Variants in MARK3 observed in about 807,000 individuals in gnomAD.
MARK3 encodes microtubule affinity regulating kinase 3, also known as MAP/microtubule affinity-regulating kinase 3.
Under a neutral mutation model 90.1 loss-of-function variants are expected in MARK3, and 46 were observed. That is an observed-to-expected ratio of 0.51 (90% CI 0.40 to 0.65). The LOEUF (loss-of-function observed/expected upper bound fraction) is 0.65. Ranked by LOEUF, MARK3 falls within the 30% of genes least tolerant of loss-of-function variation. The probability of loss-of-function intolerance (pLI) is 0.00; values close to 1 mark genes in which losing one functional copy is unlikely to be tolerated. For missense variants in MARK3, 818 were observed against 947.2 expected (o/e 0.86, Z 1.79); for synonymous variants, 321 against 332.6 (o/e 0.97, Z 0.38).
At chr14:103,391,613 G>A (rs12883668) in intron 1 of MARK3, among the ~76,000 whole-genome samples, 42,526 of 149,434 alleles carry the variant, frequency 0.28, 7,218 homozygotes, top group Non-Finnish European at 0.36. Flanking sequence ...GTGCAATCTC[G>A]GCTCACTGCC....
intron 1 of MARK3, among the ~76,000 whole-genome samples, chr14:103,391,026 A>G (rs947336590): frequency 7.9e-5 from 12 of 152,186 alleles, no homozygotes; most frequent in African/African-American, 2.9e-4. Context: ...TATTTTTTAA[A>G]ATATTTTATT....
At chr14:103,436,717 A>G (rs35366629) in intron 3 of MARK3, among the ~76,000 whole-genome samples, 43,543 of 151,996 alleles carry the variant, frequency 0.29, 7,325 homozygotes, top group Non-Finnish European at 0.36. Flanking sequence ...GGCTTAAGCA[A>G]TCCTCCCGTC....
chr14:103,491,228 T>C, intron 14 of MARK3: 1 of 678,582 alleles, frequency 1.5e-6, no homozygotes, highest in Non-Finnish European at 2.1e-6. Context: ...TTCCTCCATG[T>C]GATTTTAGTT....
intron 12 of MARK3, among the ~76,000 whole-genome samples, chr14:103,473,963 A>T (rs1386889490): frequency 6.6e-6 from 1 of 151,812 alleles, no homozygotes; most frequent in Non-Finnish European, 1.5e-5. Flanking sequence ...TTGGGAGGCC[A>T]AGGTGGGTGG....
chr14:103,421,682 A>G (rs1278995372), intron 2 of MARK3, among the ~76,000 whole-genome samples: 2 of 152,110 alleles, frequency 1.3e-5, no homozygotes, highest in Admixed American at 6.5e-5. Context: ...GCCCTGCTAC[A>G]TGTTCCACTG....
intron 5 of MARK3, among the ~76,000 whole-genome samples, chr14:103,453,246 T>C (rs944382691): frequency 2.6e-5 from 4 of 152,248 alleles, no homozygotes; most frequent in African/African-American, 9.6e-5. Flanking sequence ...TTTCATTGTC[T>C]GTGAAGGGCA....
At chr14:103,494,409 G>A (rs2075209427) in intron 15 of MARK3, among the ~76,000 whole-genome samples, 1 of 150,696 alleles carries the variant, frequency 6.6e-6, no homozygotes, top group African/African-American at 2.4e-5. Context: ...AAATTAGCCG[G>A]GCATGGTGGC....
chr14:103,451,133 A>G (rs982770586), intron 4 of MARK3, among the ~76,000 whole-genome samples: 3 of 151,530 alleles, frequency 2.0e-5, no homozygotes, highest in African/African-American at 7.3e-5. Flanking sequence ...GAATTTTGCC[A>G]TGTTGCCGAG....
At chr14:103,430,253 T>G (rs988256997) in intron 3 of MARK3, among the ~76,000 whole-genome samples, 1 of 152,184 alleles carries the variant, frequency 6.6e-6, no homozygotes, top group Non-Finnish European at 1.5e-5. Flanking sequence ...ATTTTCAGTT[T>G]ATAGGCCATT....
intron 17 of MARK3, among the ~76,000 whole-genome samples, chr14:103,501,483 G>C (rs2756132): frequency 0.33 from 49,998 of 152,104 alleles, 8,586 homozygotes; most frequent in East Asian, 0.5. Flanking sequence ...ACTTTATTAT[G>C]CCACAGACAC....
At chr14:103,495,846 T>C (rs1486826906) in intron 15 of MARK3, among the ~76,000 whole-genome samples, 4 of 152,242 alleles carry the variant, frequency 2.6e-5, no homozygotes. Flanking sequence ...GGTTGAAAGT[T>C]CTTATCCTCC....
chr14:103,467,516 A>C (rs1436975370), intron 11 of MARK3: 2 of 172,390 alleles, frequency 1.2e-5, no homozygotes, highest in African/African-American at 4.8e-5. Context: ...ACAAACAAAC[A>C]AACAAAAAAT....
At chr14:103,388,554 CTGTTT>C (rs2089986241) in intron 1 of MARK3, among the ~76,000 whole-genome samples, 1 of 152,218 alleles carries the variant, frequency 6.6e-6, no homozygotes, top group South Asian at 2.1e-4. Flanking sequence ...TAATGTTCAT[CTGTTT>C]TAAGTATACA....
chr14:103,391,098 TG>T (rs1483281346), intron 1 of MARK3, among the ~76,000 whole-genome samples: 2 of 152,372 alleles, frequency 1.3e-5, no homozygotes, highest in Non-Finnish European at 2.9e-5. Context: ...AGGGTGATTT[TG>T]CCCTCTAGTG....
intron 14 of MARK3, chr14:103,489,533 A>G (rs2093983264): frequency 6.6e-6 from 1 of 152,448 alleles, no homozygotes; most frequent in Non-Finnish European, 1.5e-5. Context: ...CAGGGGACCC[A>G]GTGAAGACAA....
rs561075800 is a variant in MARK3 at position 103,385,616 on chromosome 14, C to G, written c.-414C>G. The G allele has an allele frequency of 6.1e-6, 1 of 164,018 alleles. No homozygotes were observed. 10.2% of individuals were successfully genotyped at this position (164,018 alleles called of 1,614,324 possible). On this transcript the variant is annotated 5_prime_UTR_variant, in exon 1 of 18. Transcript: ENST00000429436. ...TCCTTCACATCCTCCTCCGCCTCCT[C>G]GTTTTCAGGCGCCGCCGGCGGCGCT...
chr14:103,389,386 G>A (rs949855835), intron 1 of MARK3, among the ~76,000 whole-genome samples: 3 of 150,230 alleles, frequency 2.0e-5, no homozygotes, highest in Non-Finnish European at 3.0e-5. Context: ...AAATTAGCCA[G>A]GTGCGGTGGT....
intron 1 of MARK3, among the ~76,000 whole-genome samples, chr14:103,404,871 A>G (rs182403962): frequency 7.2e-5 from 11 of 152,318 alleles, no homozygotes; most frequent in South Asian, 6.2e-4. Flanking sequence ...TGAACACTCA[A>G]TTGAACTTCA....
At position 103,406,370 on chromosome 14, in the gene MARK3, G is replaced by A. The variant is rs900750810; in HGVS notation, c.243+1103G>A. Among the ~76,000 whole-genome samples, 32 of 149,070 alleles carry A rather than the reference G, an allele frequency of 2.1e-4. No homozygotes were observed. In the East Asian group the frequency reaches 4.9e-3, roughly 23 times the overall value. On this transcript the variant is annotated intron_variant, in intron 2 of 17. Coordinates refer to ENST00000429436, the MANE Select transcript of MARK3 (RefSeq NM_001128918.3). ...CTCCTGAGTAGCTGAGATTACAGGC[G>A]CACACCACCACGCCTGGCTAATTAT...
Sources: allele counts gnomAD v4.1 joint callset (sites outside exome capture counted in the v4.1 genomes callset), GRCh38; gene constraint gnomAD v4.1.1; transcripts MANE v1.5; gene names NCBI Gene and HGNC (gene_info 2026-07-23, HGNC 2026-07-21).